The following NAP1L1 variants were observed in gnomAD, a reference collection of about 807,000 sequenced individuals.
The protein encoded by NAP1L1 is nucleosome assembly protein 1 like 1, also known as nucleosome assembly protein 1-like 1.
In NAP1L1, 9 loss-of-function variants were observed where a neutral mutation model predicts 58.9. That is an observed-to-expected ratio of 0.15 (90% CI 0.09 to 0.27). The LOEUF (loss-of-function observed/expected upper bound fraction) is 0.27. Ranked by LOEUF, NAP1L1 falls within the 10% of genes least tolerant of loss-of-function variation. The probability of loss-of-function intolerance (pLI) is 1.00; values close to 1 mark genes in which losing one functional copy is unlikely to be tolerated. For missense variants in NAP1L1, 302 were observed against 458.8 expected (o/e 0.66, Z 3.12); for synonymous variants, 130 against 138.3 (o/e 0.94, Z 0.42).
chr12:76,037,964 T>G lies in NAP1L1; in HGVS notation c.*10465A>C, dbSNP rs1871089342. 1.3e-5 allele frequency: 2 copies of G among 152,212 alleles called. No individual in the cohort carries two copies. 9.4% of individuals were successfully genotyped at this position (152,212 alleles called of 1,614,324 possible). On this transcript the variant is annotated 3_prime_UTR_variant, in exon 15 of 15. Coordinates refer to ENST00000618691, the MANE Select transcript of NAP1L1 (RefSeq NM_004537.7). ...ATTCAAAATGGGCAAGCAGGCTATCTTATTGAGTATTAACAAGTAACCAGG... is the reference window on the plus strand; with the variant it reads ...ATTCAAAATGGGCAAGCAGGCTATCGTATTGAGTATTAACAAGTAACCAGG...
chr12:76,076,248 T>A (rs1950164688), intron 1 of NAP1L1, among the ~76,000 whole-genome samples: 1 of 152,180 alleles, frequency 6.6e-6, no homozygotes, highest in South Asian at 2.1e-4. Context: ...CACACACTCC[T>A]ATAAAGCTTT....
chr12:76,068,634 AT>A (rs1004697033), intron 3 of NAP1L1: 1 of 293,720 alleles, frequency 3.4e-6, no homozygotes, highest in African/African-American at 2.2e-5. Context: ...GACAAAACTC[AT>A]GGGCAGCTGT....
In NAP1L1 at chr12:76,041,801, C is replaced by A. The variant is rs532816553; in HGVS notation, c.*6628G>T. 6.6e-6 allele frequency: 1 copy of A among 152,168 alleles called. No individual in the cohort carries two copies. Among genetic ancestry groups the A allele is most frequent in the African/African-American group, 2.4e-5 (1 of 41,452 alleles). The allele number at this position is 152,168 out of a possible 1,614,324, so 9.4% of individuals were successfully genotyped here. On this transcript the variant is annotated 3_prime_UTR_variant, in exon 15 of 15. Transcript: ENST00000618691. ...CTCAAGACAGACACCCATGTCACAT[C>A]CACACCAGTGTCAAGGCTCCAGGTA...
At chr12:76,078,992 T>TACACAC (rs753522753) in intron 1 of NAP1L1, among the ~76,000 whole-genome samples, 1,786 of 149,446 alleles carry the variant, frequency 0.012, 43 homozygotes, top group African/African-American at 0.043. Context: ...CATATATATA[T>TACACAC]ATACACACAC....
chr12:76,077,907 CCA>C (rs1950244788), intron 1 of NAP1L1, among the ~76,000 whole-genome samples: 1 of 144,590 alleles, frequency 6.9e-6, no homozygotes, highest in Admixed American at 7.1e-5. Flanking sequence ...TTGCTTGAAC[CCA>C]GAGGAGGAGG....
chr12:76,042,218 T>TA lies in NAP1L1; in HGVS notation c.*6210dup, dbSNP rs1948558089. The TA allele has an allele frequency of 6.6e-6, 1 of 152,172 alleles. No homozygotes were observed. Among genetic ancestry groups the TA allele is most frequent in the African/African-American group, 2.4e-5 (1 of 41,458 alleles). 9.4% of individuals were successfully genotyped at this position (152,172 alleles called of 1,614,324 possible). ...AAGAAAACCCCAACTAGTTCAGAAA[T>TA]AAAGTTCTAAAACCAATTTAAAAAG... On this transcript the variant is annotated 3_prime_UTR_variant, in exon 15 of 15. Transcript: ENST00000618691.
chr12:76,057,868 G>A (rs770867456), intron 6 of NAP1L1: 15 of 1,471,462 alleles, frequency 1.0e-5, no homozygotes, highest in South Asian at 3.6e-5. Flanking sequence ...AAACAAAGAC[G>A]GTACCACAAA....
Position 76,068,994 on chromosome 12 carries a change from G to T in NAP1L1, c.18C>A (p.Asn6Lys). MADID[N>K]KEQSELDQDL... ...CTTGATCAAGTTCAGACTGTTCTTT[G>T]CTATAATATCATAGTATCACACCAA... is the stretch of plus-strand genomic sequence containing the variant. Residue 6 changes from asparagine to lysine, a missense_variant and splice_region_variant, in exon 3 of 15, where the codon AAC (asparagine) becomes AAA (lysine). By Grantham distance (94) the Asn-to-Lys change is moderately conservative. Transcript: ENST00000618691. 6.2e-7 allele frequency: 1 copy of T among 1,605,688 alleles called. No homozygotes were observed.
Position 76,068,735 on chromosome 12 carries a change from TACACACACACACACACAC to T in NAP1L1, c.103+156_103+173del, listed in dbSNP as rs35120003. ...GCTGTATCTATACCTACCCGCCCCTTACACACACACACACACACACACACACACACACACACACACACA... is the reference window on the plus strand; with the variant it reads ...GCTGTATCTATACCTACCCGCCCCTTACACACACACACACACACACACACA... On this transcript the variant is annotated intron_variant, in intron 3 of 14. Transcript: ENST00000618691. 77 of 294,966 alleles carry T rather than the reference TACACACACACACACACAC, an allele frequency of 2.6e-4. 1 individual carries two copies. Among genetic ancestry groups the T allele is most frequent in the African/African-American group, 1.1e-3 (39 of 35,142 alleles). 18.3% of individuals were successfully genotyped at this position (294,966 alleles called of 1,614,324 possible).
At chr12:76,081,550 C>T (rs1427104548) in intron 1 of NAP1L1, among the ~76,000 whole-genome samples, 1 of 152,164 alleles carries the variant, frequency 6.6e-6, no homozygotes, top group East Asian at 1.9e-4. Context: ...CAGGGCAACA[C>T]AGCAAGAGCC....
At chr12:76,072,315 AC>A (rs1341758027) in intron 2 of NAP1L1, among the ~76,000 whole-genome samples, 13 of 151,034 alleles carry the variant, frequency 8.6e-5, no homozygotes, top group African/African-American at 3.2e-4. Flanking sequence ...AAAAAAAAAA[AC>A]AAAAAAACAG....
chr12:76,065,388 T>C (rs1315137503), intron 4 of NAP1L1, among the ~76,000 whole-genome samples: 2 of 151,902 alleles, frequency 1.3e-5, no homozygotes, highest in African/African-American at 4.8e-5. Context: ...GGTAATGTTG[T>C]AAAGAAAAGT....
At chr12:76,074,863 T>C (rs948623068) in intron 1 of NAP1L1, among the ~76,000 whole-genome samples, 4 of 152,126 alleles carry the variant, frequency 2.6e-5, no homozygotes, top group Non-Finnish European at 5.9e-5. Context: ...CAAATGTACA[T>C]GTACCTCATG....
intron 1 of NAP1L1, among the ~76,000 whole-genome samples, chr12:76,075,261 G>A (rs1230519563): frequency 6.6e-6 from 1 of 152,100 alleles, no homozygotes; most frequent in Non-Finnish European, 1.5e-5. Context: ...AAGATCTTTT[G>A]AGCACAGGAG....
chr12:76,077,556 T>C (rs1318990944), intron 1 of NAP1L1, among the ~76,000 whole-genome samples: 1 of 152,210 alleles, frequency 6.6e-6, no homozygotes, highest in East Asian at 1.9e-4. Flanking sequence ...CCTGTATTAA[T>C]ATTTTACTGC....
At position 76,076,549 on chromosome 12, in the gene NAP1L1, A is replaced by AATATATATATAT. The variant is rs58649228; in HGVS notation, c.-20-2322_-20-2311dup. ...TGCCGAAATCCCCTTTGGATATGGA[A>AATATATATATAT]ATATATATATATATATATATATATA... On this transcript the variant is annotated intron_variant, in intron 1 of 14. Transcript: ENST00000618691. 6.5e-3 allele frequency among the ~76,000 whole-genome samples: 778 copies of AATATATATATAT among 120,098 alleles called. 5 individuals are homozygous for AATATATATATAT. Among genetic ancestry groups the AATATATATATAT allele is most frequent in the Non-Finnish European group, 8.3e-3 (482 of 57,818 alleles). The allele number at this position is 120,098 out of a possible 152,430, so 78.8% of individuals were successfully genotyped here. A position where few individuals can be genotyped will look rare whatever the true frequency, so the allele number is the denominator to read the frequency against.
At chr12:76,076,943 G>A (rs1335663595) in intron 1 of NAP1L1, among the ~76,000 whole-genome samples, 1 of 152,084 alleles carries the variant, frequency 6.6e-6, no homozygotes, top group Non-Finnish European at 1.5e-5. Flanking sequence ...TATTTATGTG[G>A]TGCATGACTG....
intron 12 of NAP1L1, among the ~76,000 whole-genome samples, chr12:76,050,100 ATT>A (rs1431736287): frequency 1.3e-5 from 2 of 152,202 alleles, no homozygotes; most frequent in Non-Finnish European, 2.9e-5. Flanking sequence ...TACTCTAACA[ATT>A]GCCGTTGAGC....
At chr12:76,062,933 A>G (rs1330356727) in intron 4 of NAP1L1, among the ~76,000 whole-genome samples, 1 of 152,096 alleles carries the variant, frequency 6.6e-6, no homozygotes, top group African/African-American at 2.4e-5. Flanking sequence ...TACAAAGAAA[A>G]AGGAATCAGA....
Sources: gnomAD v4.1 joint callset for allele counts (sites outside exome capture counted in the v4.1 genomes callset) on GRCh38, gnomAD v4.1.1 for gene constraint, MANE v1.5 for transcripts, NCBI Gene and HGNC (gene_info 2026-07-23, HGNC 2026-07-21) for gene names.